INPP4B: variants seen among roughly 807,000 people sequenced by gnomAD.
INPP4B encodes inositol polyphosphate 4-phosphatase type II.
INPP4B carries 55 observed loss-of-function variants against 122.5 expected under a neutral mutation model. That is an observed-to-expected ratio of 0.45 (90% confidence interval 0.36 to 0.56). INPP4B has a LOEUF of 0.56. Among genes scored for constraint, INPP4B ranks in the 20% least tolerant of loss-of-function variants. The pLI, the probability that INPP4B is intolerant of heterozygous loss-of-function variation, is 0.00. For synonymous variants in INPP4B, 403 were observed against 388.7 expected (o/e 1.04, Z -0.43); for missense variants, 1,000 against 1,097.7 (o/e 0.91, Z 1.26).
chr4:142,202,470 C>T (rs928136403), intron 14 of INPP4B, among the ~76,000 whole-genome samples: 8 of 151,980 alleles, frequency 5.3e-5, no homozygotes, highest in Admixed American at 5.3e-4. Context: ...AATTTGACAT[C>T]GTTATTAAAT....
At chr4:142,739,584 ACAC>A (rs1767598023) in intron 1 of INPP4B, among the ~76,000 whole-genome samples, 1 of 151,988 alleles carries the variant, frequency 6.6e-6, no homozygotes, top group Admixed American at 6.6e-5. Context: ...TGGTATACAT[ACAC>A]CACCACCACA....
chr4:142,042,972 A>C (rs1749082730), intron 25 of INPP4B, among the ~76,000 whole-genome samples: 1 of 152,126 alleles, frequency 6.6e-6, no homozygotes, highest in African/African-American at 2.4e-5. Context: ...GCTCAACATC[A>C]AACACCACCA....
At chr4:142,625,240 C>T (rs1746070761) in intron 2 of INPP4B, among the ~76,000 whole-genome samples, 2 of 151,640 alleles carry the variant, frequency 1.3e-5, no homozygotes, top group South Asian at 4.2e-4. Context: ...ACCCCATTGT[C>T]TCAGCCCAAA....
intron 2 of INPP4B, among the ~76,000 whole-genome samples, chr4:142,549,290 T>A (rs1020299249): frequency 6.6e-6 from 1 of 152,102 alleles, no homozygotes; most frequent in Non-Finnish European, 1.5e-5. Context: ...CCTCCCATAC[T>A]GTGCACTGTA....
intron 25 of INPP4B, among the ~76,000 whole-genome samples, chr4:142,049,323 T>C (rs1298759578): frequency 6.6e-6 from 1 of 152,106 alleles, no homozygotes; most frequent in Non-Finnish European, 1.5e-5. Context: ...TGTAAATTTG[T>C]ACATTTGTTT....
intron 5 of INPP4B, among the ~76,000 whole-genome samples, chr4:142,409,523 A>AAATT (rs1414772763): frequency 6.6e-6 from 1 of 151,628 alleles, no homozygotes; most frequent in African/African-American, 2.4e-5. Flanking sequence ...ATAAATAAAT[A>AAATT]AAGAGACTCA....
chr4:142,295,695 G>A (rs890226504), intron 9 of INPP4B, among the ~76,000 whole-genome samples: 22 of 151,900 alleles, frequency 1.4e-4, no homozygotes, highest in African/African-American at 4.6e-4. Context: ...AAAGGCTACT[G>A]AAGGCTCTGA....
chr4:142,842,561 A>C (rs961098829), intron 1 of INPP4B, among the ~76,000 whole-genome samples: 39 of 141,758 alleles, frequency 2.8e-4, no homozygotes, highest in Middle Eastern at 3.6e-3. Context: ...TATATATAAT[A>C]TATAATATAT....
chr4:142,499,484 G>A (rs1193463505), intron 2 of INPP4B, among the ~76,000 whole-genome samples: 1 of 152,124 alleles, frequency 6.6e-6, no homozygotes, highest in Non-Finnish European at 1.5e-5. Flanking sequence ...ACTACAGTAT[G>A]CCTTATTGGA....
At chr4:142,508,547 T>C (rs1824312664) in intron 2 of INPP4B, among the ~76,000 whole-genome samples, 1 of 152,188 alleles carries the variant, frequency 6.6e-6, no homozygotes, top group Non-Finnish European at 1.5e-5. Flanking sequence ...GTGCTGGGTT[T>C]ACGGGCATGA....
chr4:142,304,410 T>G (rs1204569360), intron 9 of INPP4B, among the ~76,000 whole-genome samples: 1 of 152,062 alleles, frequency 6.6e-6, no homozygotes, highest in East Asian at 1.9e-4. Context: ...CTAGAGCGGA[T>G]GGCAGCCTCA....
intron 1 of INPP4B, among the ~76,000 whole-genome samples, chr4:142,783,613 T>A (rs1269054516): frequency 6.6e-6 from 1 of 152,182 alleles, no homozygotes; most frequent in African/African-American, 2.4e-5. Context: ...AAGATTAATT[T>A]TATTAAATAT....
intron 2 of INPP4B, among the ~76,000 whole-genome samples, chr4:142,705,458 A>AC (rs1762355101): frequency 6.8e-6 from 1 of 146,206 alleles, no homozygotes; most frequent in East Asian, 2.0e-4. Flanking sequence ...TCCCACCCCA[A>AC]ACACACACAC....
At chr4:142,203,661 G>A (rs191690370) in intron 14 of INPP4B, among the ~76,000 whole-genome samples, 6 of 151,916 alleles carry the variant, frequency 3.9e-5, no homozygotes, top group Non-Finnish European at 7.4e-5. Flanking sequence ...TTAACTGCAG[G>A]TTATTCCATT....
intron 9 of INPP4B, among the ~76,000 whole-genome samples, chr4:142,298,304 G>C (rs994849771): frequency 6.6e-6 from 1 of 152,108 alleles, no homozygotes; most frequent in Non-Finnish European, 1.5e-5. Context: ...GAAAACGGGA[G>C]GAAAAATTCT....
At chr4:142,221,614 T>C (rs1849431663) in intron 12 of INPP4B, among the ~76,000 whole-genome samples, 1 of 151,956 alleles carries the variant, frequency 6.6e-6, no homozygotes, top group Non-Finnish European at 1.5e-5. Context: ...AGGTTTTTTT[T>C]TTATGTTACT....
intron 5 of INPP4B, chr4:142,423,919 T>G: frequency 5.8e-6 from 2 of 342,352 alleles, no homozygotes; most frequent in Non-Finnish European, 1.1e-5. Flanking sequence ...GAGAATACTG[T>G]TTTCATTTTC....
intron 2 of INPP4B, among the ~76,000 whole-genome samples, chr4:142,564,986 T>A (rs1731318936): frequency 2.0e-5 from 3 of 152,222 alleles, no homozygotes. Flanking sequence ...TGCTCTTTTT[T>A]GGATCAGGAT....
At chr4:142,311,263 G>A (rs1355904361) in intron 8 of INPP4B, among the ~76,000 whole-genome samples, 1 of 152,158 alleles carries the variant, frequency 6.6e-6, no homozygotes, top group African/African-American at 2.4e-5. Context: ...AAAATAACAC[G>A]TAATCTGAGG....
Sources: allele counts gnomAD v4.1 joint callset (sites outside exome capture counted in the v4.1 genomes callset), GRCh38; gene constraint gnomAD v4.1.1; transcripts MANE v1.5; gene names NCBI Gene and HGNC (gene_info 2026-07-23, HGNC 2026-07-21).